MYZAP: variants seen among roughly 807,000 people sequenced by gnomAD.
MYZAP encodes the protein myocardial zonula adherens protein, also known as GRINL1A complex locus upstream.
In MYZAP, 66 loss-of-function variants were observed where a neutral mutation model predicts 69.4. The observed-to-expected ratio is 0.95, with a 90% CI of 0.78 to 1.17. The LOEUF is 1.17. Ranked by LOEUF, MYZAP falls within the 50% of genes most tolerant of loss-of-function variation. MYZAP has a pLI of 0.00. For missense variants in MYZAP, 611 were observed against 556.2 expected (o/e 1.10, Z -0.99); for synonymous variants, 256 against 205.9 (o/e 1.24, Z -2.09).
intron 11 of MYZAP, among the ~76,000 whole-genome samples, chr15:57,671,839 A>G (rs2038883073): frequency 6.6e-6 from 1 of 152,146 alleles, no homozygotes; most frequent in African/African-American, 2.4e-5. Flanking sequence ...CTTTGTCTGA[A>G]AATTCCAACA....
At chr15:57,665,327 C>T (rs1323624493) in intron 11 of MYZAP, among the ~76,000 whole-genome samples, 1 of 152,168 alleles carries the variant, frequency 6.6e-6, no homozygotes, top group African/African-American at 2.4e-5. Context: ...GCAGTTGGCC[C>T]CGATATTTGC....
At chr15:57,641,037 A>T (rs1359277915) in intron 10 of MYZAP, among the ~76,000 whole-genome samples, 1 of 152,174 alleles carries the variant, frequency 6.6e-6, no homozygotes, top group Non-Finnish European at 1.5e-5. Flanking sequence ...TGAATTTCAC[A>T]CGCACGAAGT....
intron 5 of MYZAP, among the ~76,000 whole-genome samples, chr15:57,628,820 C>T (rs2036313181): frequency 6.6e-6 from 1 of 151,940 alleles, no homozygotes; most frequent in Non-Finnish European, 1.5e-5. Context: ...CGTGGTGGCT[C>T]ACGCCTGTAA....
At chr15:57,611,093 A>G (rs1423126694) in intron 2 of MYZAP, among the ~76,000 whole-genome samples, 1 of 152,316 alleles carries the variant, frequency 6.6e-6, no homozygotes, top group South Asian at 2.1e-4. Flanking sequence ...AACTCCCAGT[A>G]TCTACTAGTA....
At chr15:57,652,437 T>A (rs1214589577) in intron 10 of MYZAP, among the ~76,000 whole-genome samples, 2 of 152,222 alleles carry the variant, frequency 1.3e-5, no homozygotes, top group Non-Finnish European at 2.9e-5. Context: ...TGGTGGCTTT[T>A]ATCAAAGAGA....
At chr15:57,621,792 C>G (rs1308290623) in intron 4 of MYZAP, 92 bp downstream of exon 4, 1 of 1,101,506 alleles carries the variant, frequency 9.1e-7, no homozygotes, top group South Asian at 1.8e-5. Flanking sequence ...ATTAGAGTAT[C>G]TAGTGTTCTT....
intron 11 of MYZAP, among the ~76,000 whole-genome samples, chr15:57,674,540 G>A (rs750352129): frequency 6.6e-6 from 1 of 152,112 alleles, no homozygotes; most frequent in Non-Finnish European, 1.5e-5. Flanking sequence ...ATTTATAATG[G>A]CAAAAACGTG....
At chr15:57,613,979 C>G (rs1372921606) in intron 2 of MYZAP, among the ~76,000 whole-genome samples, 1 of 152,176 alleles carries the variant, frequency 6.6e-6, no homozygotes, top group African/African-American at 2.4e-5. Flanking sequence ...ACATCTTGCT[C>G]AACATATCAG....
chr15:57,658,857 T>A (rs907031280), intron 10 of MYZAP, among the ~76,000 whole-genome samples: 2 of 152,248 alleles, frequency 1.3e-5, no homozygotes, highest in African/African-American at 4.8e-5. Flanking sequence ...CATTATTTCA[T>A]AGAAATTGCA....
chr15:57,616,447 G>A (rs1426324517), intron 2 of MYZAP, among the ~76,000 whole-genome samples: 1 of 152,148 alleles, frequency 6.6e-6, no homozygotes, highest in African/African-American at 2.4e-5. Context: ...AGACCATCCT[G>A]GCCAACATGA....
chr15:57,668,894 A>ATATATTTTTT (rs1252525814), intron 11 of MYZAP, among the ~76,000 whole-genome samples: 23 of 62,602 alleles, frequency 3.7e-4, no homozygotes, highest in African/African-American at 8.7e-4. Context: ...ATATATATAT[A>ATATATTTTTT]TTTTTTTTTT....
chr15:57,668,339 T>A (rs2038694453), intron 11 of MYZAP, among the ~76,000 whole-genome samples: 2 of 152,162 alleles, frequency 1.3e-5, no homozygotes, highest in African/African-American at 4.8e-5. Flanking sequence ...GAGGTATAAG[T>A]TTAACTTTTT....
Position 57,675,769 on chromosome 15 carries a change from C to T in MYZAP, c.1304+701C>T, listed in dbSNP as rs2039085221. Among the ~76,000 whole-genome samples, 2 of 152,180 alleles carry T rather than the reference C, an allele frequency of 1.3e-5. 1 individual carries two copies. Among genetic ancestry groups the T allele is most frequent in the South Asian group, 4.1e-4 (2 of 4,828 alleles). ...TAACACAGTAACCTGCCTCTGATAA[C>T]TAACTCACCATTCCCGGGTGCTCAC... On this transcript the variant is annotated intron_variant, in intron 12 of 12. Coordinates refer to ENST00000267853, the MANE Select transcript of MYZAP (RefSeq NM_001018100.5).
intron 10 of MYZAP, among the ~76,000 whole-genome samples, chr15:57,650,520 A>G (rs1279699309): frequency 6.6e-6 from 1 of 152,218 alleles, no homozygotes; most frequent in East Asian, 1.9e-4. Flanking sequence ...GAGTAAATTC[A>G]GTCTGCTTTT....
At chr15:57,625,701 G>T in intron 4 of MYZAP, 78 bp from the exon 5 acceptor site, 6 of 1,363,976 alleles carry the variant, frequency 4.4e-6, no homozygotes, top group East Asian at 2.3e-5. Context: ...TCTAACAGAA[G>T]AAAGTTCCAG....
intron 6 of MYZAP, among the ~76,000 whole-genome samples, chr15:57,630,731 G>A (rs1261063109): frequency 1.3e-5 from 2 of 152,144 alleles, no homozygotes; most frequent in Non-Finnish European, 2.9e-5. Flanking sequence ...CTCCTGGAGG[G>A]CACTTAATAA....
chr15:57,602,870 G>A (rs1327299124), intron 1 of MYZAP, among the ~76,000 whole-genome samples: 2 of 152,132 alleles, frequency 1.3e-5, no homozygotes, highest in Non-Finnish European at 2.9e-5. Flanking sequence ...CTTAGAAGAT[G>A]CCTATACATG....
Position 57,684,398 on chromosome 15 carries a change from T to TCAGCCAAA in MYZAP, c.1305_1312dup. The TCAGCCAAA allele has an allele frequency of 6.2e-7, 1 of 1,609,068 alleles. No individual in the cohort carries two copies. Among genetic ancestry groups the TCAGCCAAA allele is most frequent in the Non-Finnish European group, 8.5e-7 (1 of 1,176,316 alleles). ...TTCCTGACCTGCATTTTCTCATTTCTCAGCCAAACAGGCAGGACTCGTGAA... is the reference window on the plus strand; with the variant it reads ...TTCCTGACCTGCATTTTCTCATTTCTCAGCCAAACAGCCAAACAGGCAGGACTCGTGAA... On this transcript the variant is annotated splice_region_variant and splice_polypyrimidine_tract_variant and intron_variant, in intron 12 of 12. Transcript: ENST00000267853.
intron 7 of MYZAP, among the ~76,000 whole-genome samples, chr15:57,632,949 C>A: frequency 6.6e-6 from 1 of 152,170 alleles, no homozygotes; most frequent in South Asian, 2.1e-4. Context: ...CCTTAAATGC[C>A]ACTCTCTCCA....
Sources: allele counts gnomAD v4.1 joint callset (sites outside exome capture counted in the v4.1 genomes callset), GRCh38; gene constraint gnomAD v4.1.1; transcripts MANE v1.5; gene names NCBI Gene and HGNC (gene_info 2026-07-23, HGNC 2026-07-21).